Variants in ST6GALNAC3 observed in about 807,000 individuals in gnomAD.
The protein encoded by ST6GALNAC3 is ST6 N-acetylgalactosaminide alpha-2,6-sialyltransferase 3.
A neutral mutation model predicts 32.7 loss-of-function variants in ST6GALNAC3; 25 were observed. That is an observed-to-expected ratio of 0.76 (90% CI 0.56 to 1.07). ST6GALNAC3 has a LOEUF of 1.07. Among genes scored for constraint, ST6GALNAC3 ranks in the 50% least tolerant of loss-of-function variants. ST6GALNAC3 has a pLI of 0.00. For synonymous variants in ST6GALNAC3, 129 were observed against 133.1 expected (o/e 0.97, Z 0.21); for missense variants, 355 against 382.4 (o/e 0.93, Z 0.60).
At chr1:76,077,937 A>C (rs1444851009) in intron 1 of ST6GALNAC3, among the ~76,000 whole-genome samples, 2 of 152,360 alleles carry the variant, frequency 1.3e-5, no homozygotes, top group African/African-American at 4.8e-5. Flanking sequence ...TGGTTTAGTA[A>C]GGATGATAGA....
chr1:76,373,670 T>G (rs577725035), intron 2 of ST6GALNAC3, among the ~76,000 whole-genome samples: 4 of 152,324 alleles, frequency 2.6e-5, no homozygotes, highest in Non-Finnish European at 5.9e-5. Context: ...TAAGGTAACT[T>G]ACACATAAAT....
intron 3 of ST6GALNAC3, among the ~76,000 whole-genome samples, chr1:76,491,010 C>T (rs1350785609): frequency 6.6e-6 from 1 of 151,954 alleles, no homozygotes; most frequent in Non-Finnish European, 1.5e-5. Flanking sequence ...GGACATGCGC[C>T]ACCACGCCCG....
At chr1:76,330,083 G>C (rs1351476485) in intron 2 of ST6GALNAC3, among the ~76,000 whole-genome samples, 1 of 151,870 alleles carries the variant, frequency 6.6e-6, no homozygotes, top group Admixed American at 6.6e-5. Flanking sequence ...GATTACAAGC[G>C]TAAGCCACCA....
intron 1 of ST6GALNAC3, among the ~76,000 whole-genome samples, chr1:76,212,099 C>T (rs912349319): frequency 2.0e-5 from 3 of 152,082 alleles, no homozygotes; most frequent in Admixed American, 2.0e-4. Flanking sequence ...AGAACAAAAA[C>T]AACGTTTAAT....
intron 1 of ST6GALNAC3, among the ~76,000 whole-genome samples, chr1:76,256,622 A>C (rs2100714467): frequency 6.6e-6 from 1 of 151,896 alleles, no homozygotes; most frequent in Admixed American, 6.6e-5. Flanking sequence ...GTAATATTTG[A>C]ATTTTGCCAG....
At chr1:76,214,448 T>A (rs1655345202) in intron 1 of ST6GALNAC3, among the ~76,000 whole-genome samples, 1 of 152,178 alleles carries the variant, frequency 6.6e-6, no homozygotes, top group African/African-American at 2.4e-5. Context: ...GAAATGTTTT[T>A]AAGATTGTTA....
intron 1 of ST6GALNAC3, among the ~76,000 whole-genome samples, chr1:76,305,681 C>A (rs531019907): frequency 6.6e-6 from 1 of 152,098 alleles, no homozygotes; most frequent in Admixed American, 6.6e-5. Flanking sequence ...ACTTTCAGAT[C>A]GGCCTTTTTT....
chr1:76,112,364 C>CG (rs1266184176), intron 1 of ST6GALNAC3, among the ~76,000 whole-genome samples: 4 of 141,350 alleles, frequency 2.8e-5, no homozygotes, highest in Admixed American at 7.1e-5. Context: ...GCTGGCCGGG[C>CG]GGGGGGCTGA....
intron 3 of ST6GALNAC3, among the ~76,000 whole-genome samples, chr1:76,550,845 T>A (rs900217572): frequency 6.6e-6 from 1 of 152,100 alleles, no homozygotes; most frequent in African/African-American, 2.4e-5. Flanking sequence ...AACCTCTGCC[T>A]CCCGGGTTCA....
chr1:76,235,961 ATTTTGTT>A (rs1487258362), intron 1 of ST6GALNAC3, among the ~76,000 whole-genome samples: 13 of 151,104 alleles, frequency 8.6e-5, no homozygotes, highest in African/African-American at 3.2e-4. Context: ...GTGTGACCTC[ATTTTGTT>A]TTTTGTTTGT....
At chr1:76,204,360 T>C (rs1340208843) in intron 1 of ST6GALNAC3, among the ~76,000 whole-genome samples, 2 of 152,214 alleles carry the variant, frequency 1.3e-5, no homozygotes, top group Non-Finnish European at 2.9e-5. Flanking sequence ...GGGGTAGAGA[T>C]AGTAGATGAA....
chr1:76,440,315 T>TGTTTACATTTTCGA (rs1656483384), intron 3 of ST6GALNAC3, among the ~76,000 whole-genome samples: 8 of 152,250 alleles, frequency 5.3e-5, no homozygotes, highest in Admixed American at 5.2e-4. Context: ...TTTGTGACCC[T>TGTTTACATTTTCGA]AATGTTTACA....
Position 76,634,017 on chromosome 1 carries a change from G to A in ST6GALNAC3, c.*5211G>A. On this transcript the variant is annotated 3_prime_UTR_variant, in exon 5 of 5. Coordinates refer to ENST00000328299, the MANE Select transcript of ST6GALNAC3 (RefSeq NM_152996.4). ...AACTGTCCTTGGGCGTTGTAACAGTGCAGAAAATCTCATTTAGTTTTTTTC... is the reference window on the plus strand; with the variant it reads ...AACTGTCCTTGGGCGTTGTAACAGTACAGAAAATCTCATTTAGTTTTTTTC... 3.5e-6 allele frequency: 1 copy of A among 283,010 alleles called. No homozygotes were observed. Among genetic ancestry groups the A allele is most frequent in the Non-Finnish European group, 5.3e-6 (1 of 188,212 alleles). 17.5% of individuals were successfully genotyped at this position (283,010 alleles called of 1,614,324 possible).
chr1:76,604,167 A>G (rs1336982191), intron 3 of ST6GALNAC3, among the ~76,000 whole-genome samples: 1 of 152,218 alleles, frequency 6.6e-6, no homozygotes, highest in Non-Finnish European at 1.5e-5. Flanking sequence ...GTACTTTATT[A>G]TAATGAATCT....
At chr1:76,130,484 C>T (rs1649539237) in intron 1 of ST6GALNAC3, among the ~76,000 whole-genome samples, 1 of 152,234 alleles carries the variant, frequency 6.6e-6, no homozygotes, top group Non-Finnish European at 1.5e-5. Flanking sequence ...AGAACCTCTT[C>T]AACATGGCCC....
rs577773042 is a variant in ST6GALNAC3, at chr1:76,118,145, C to T, written c.18+43261C>T. Among the ~76,000 whole-genome samples, 242 of 152,200 alleles carry T rather than the reference C, an allele frequency of 1.6e-3. 2 individuals are homozygous for T. Among genetic ancestry groups the T allele is most frequent in the African/African-American group, 5.4e-3 (224 of 41,516 alleles). On this transcript the variant is annotated intron_variant, in intron 1 of 4. Transcript: ENST00000328299. ...CTAATGCTCTCCCTCCCCTTGCCCCCGACTCCCTGACGGGCCCCGGTGTGT... is the reference window on the plus strand; with the variant it reads ...CTAATGCTCTCCCTCCCCTTGCCCCTGACTCCCTGACGGGCCCCGGTGTGT...
At chr1:76,160,649 G>A (rs1651747805) in intron 1 of ST6GALNAC3, among the ~76,000 whole-genome samples, 1 of 152,190 alleles carries the variant, frequency 6.6e-6, no homozygotes, top group Non-Finnish European at 1.5e-5. Flanking sequence ...GCCAAAATAA[G>A]GGGCTTGCAC....
intron 3 of ST6GALNAC3, among the ~76,000 whole-genome samples, chr1:76,523,290 T>A (rs1333301517): frequency 6.6e-6 from 1 of 152,180 alleles, no homozygotes; most frequent in Admixed American, 6.5e-5. Context: ...GTTATTCATT[T>A]TTTTTATAAT....
chr1:76,238,531 T>C (rs1158520209), intron 1 of ST6GALNAC3, among the ~76,000 whole-genome samples: 1 of 152,138 alleles, frequency 6.6e-6, no homozygotes, highest in Non-Finnish European at 1.5e-5. Flanking sequence ...AGACATACTG[T>C]GTCCAGAAGC....
Sources: allele counts gnomAD v4.1 joint callset (sites outside exome capture counted in the v4.1 genomes callset), GRCh38; gene constraint gnomAD v4.1.1; transcripts MANE v1.5; gene names NCBI Gene and HGNC (gene_info 2026-07-23, HGNC 2026-07-21).